The following TUBGCP6 variants were observed in gnomAD, a reference collection of about 807,000 sequenced individuals.
The protein encoded by TUBGCP6 is tubulin gamma complex component 6.
Under a neutral mutation model 175.8 loss-of-function variants are expected in TUBGCP6, and 161 were observed. That is an observed-to-expected ratio of 0.92 (90% CI 0.81 to 1.04). The LOEUF is 1.04. Ranked by LOEUF, TUBGCP6 falls within the 50% of genes least tolerant of loss-of-function variation. TUBGCP6 has a pLI of 0.00. For missense variants in TUBGCP6, 2,572 were observed against 2,433.0 expected, an observed-to-expected ratio of 1.06 and a Z score of -1.20; for synonymous variants, 1,173 against 1,030.5, an observed-to-expected ratio of 1.14 and a Z score of -2.65.
rs371211872 is a variant in TUBGCP6, at chr22:50,221,288, C to T, written c.3071G>A (p.Arg1024Gln). 8 of 1,613,802 alleles carry T rather than the reference C, an allele frequency of 5.0e-6. No individual in the cohort carries two copies. Among genetic ancestry groups the T allele is most frequent in the South Asian group, 3.3e-5 (3 of 91,094 alleles). ...LEEGSSQPTE[R>Q]LFGQVSGGGL... ...ACCCCCTGACACCTGCCCAAAGAGCCGCTCTGTGGGCTGGCTGCTCCCCTC... is the reference window on the plus strand; with the variant it reads ...ACCCCCTGACACCTGCCCAAAGAGCTGCTCTGTGGGCTGGCTGCTCCCCTC... The change falls in exon 16 of 25, where the codon CGG becomes CAG. Residue 1024 changes from arginine to glutamine, a missense_variant. By Grantham distance (43) the Arg-to-Gln change is conservative. Transcript: ENST00000248846.
intron 2 of TUBGCP6, among the ~76,000 whole-genome samples, chr22:50,235,941 G>GGA (rs2064773596): frequency 8.0e-6 from 1 of 124,260 alleles, no homozygotes; most frequent in Non-Finnish European, 1.7e-5. Context: ...CTCCATCTCG[G>GGA]AAAAAAAAAA....
intron 13 of TUBGCP6, 103 bp downstream of exon 13, chr22:50,224,038 G>T: frequency 9.6e-7 from 1 of 1,036,682 alleles, no homozygotes; most frequent in Non-Finnish European, 1.4e-6. Flanking sequence ...ATGTATGTTT[G>T]AAGGTTTTCA....
intron 7 of TUBGCP6, among the ~76,000 whole-genome samples, 173 bp downstream of exon 7, chr22:50,226,560 G>C (rs2064613180): frequency 6.8e-6 from 1 of 146,822 alleles, no homozygotes; most frequent in African/African-American, 2.5e-5. Context: ...GCAGGGTGGG[G>C]GGTGTGGAGT....
chr22:50,221,063 G>A lies in TUBGCP6; in HGVS notation c.3296C>T (p.Pro1099Leu), dbSNP rs1245347108. ...ATGGATGTTCCACCGTGGCCGAGTG[G>A]GAGCCACATCTGACACAGACTCCCC... is the stretch of plus-strand genomic sequence containing the variant. ...SLGESVSDVA[P>L]TRPRWNIHGH... The change falls in exon 16 of 25, where the codon CCC (proline) becomes CTC (leucine). Residue 1099 changes from proline (P) to leucine (L), a missense_variant. Pro to Leu is a moderately conservative substitution (Grantham distance 98). Transcript: ENST00000248846. 1 of 1,612,792 alleles carries A rather than the reference G, an allele frequency of 6.2e-7. No homozygotes were observed.
chr22:50,234,410 C>G (rs1457355074), intron 2 of TUBGCP6, among the ~76,000 whole-genome samples: 1 of 150,622 alleles, frequency 6.6e-6, no homozygotes, highest in Non-Finnish European at 1.5e-5. Context: ...CTGTCCACAG[C>G]AGCATCCACA....
chr22:50,229,606 A>G lies in TUBGCP6; in HGVS notation c.1117-29T>C. 1.9e-6 allele frequency: 3 copies of G among 1,559,272 alleles called. 1 individual carries two copies. The South Asian group carries it at 3.5e-5, about 18-fold the overall frequency. On this transcript the variant is annotated intron_variant, in intron 3 of 24. Transcript: ENST00000248846. Reference sequence around the variant, plus strand: ...CACAGGGGCAGAGGACACTGGTCACAGAGGCCAGGCACCCAGACCCCCAGT... The same window carrying G: ...CACAGGGGCAGAGGACACTGGTCACGGAGGCCAGGCACCCAGACCCCCAGT...
chr22:50,242,863 AC>A (rs1371943526), intron 1 of TUBGCP6, among the ~76,000 whole-genome samples: 1 of 152,174 alleles, frequency 6.6e-6, no homozygotes, highest in East Asian at 1.9e-4. Context: ...TTAACGATAT[AC>A]CCCATTAGGT....
chr22:50,219,858 A>T (rs576428992), intron 17 of TUBGCP6, 67 bp from the exon 18 acceptor site: 34 of 1,603,632 alleles, frequency 2.1e-5, no homozygotes, highest in Non-Finnish European at 2.8e-5. Flanking sequence ...GCTTGTGCCA[A>T]AAAAAGGAAA....
intron 1 of TUBGCP6, among the ~76,000 whole-genome samples, chr22:50,240,931 G>A (rs898085649): frequency 1.3e-5 from 2 of 152,266 alleles, no homozygotes; most frequent in Non-Finnish European, 2.9e-5. Flanking sequence ...GGAGGTTGCA[G>A]TGAGCCGAGA....
intron 3 of TUBGCP6, among the ~76,000 whole-genome samples, chr22:50,231,650 G>C (rs747889504): frequency 6.6e-6 from 1 of 151,648 alleles, no homozygotes; most frequent in South Asian, 2.1e-4. Context: ...ACAATGTCAG[G>C]AGATCAAGAC....
chr22:50,224,193 C>T lies in TUBGCP6; in HGVS notation c.2218G>A (p.Asp740Asn). Residue 740 changes from aspartate to asparagine, a missense_variant, in exon 13 of 25, where the codon GAC (aspartate) becomes AAC (asparagine). Physicochemically the swap from Asp to Asn is conservative, Grantham distance 23 (BLOSUM62 1). Coordinates refer to ENST00000248846, the MANE Select transcript of TUBGCP6 (RefSeq NM_020461.4). ...AGGGACTTCAGCCTTCTCTCCCTGT[C>T]TCGGAGTTCACGGGCGTAGCTGAAG... ...DDFSYARELR[D>N]RERRLKSLEE... 1 of 1,614,156 alleles carries T rather than the reference C, an allele frequency of 6.2e-7. No individual in the cohort carries two copies. Among genetic ancestry groups the T allele is most frequent in the Admixed American group, 1.7e-5 (1 of 60,030 alleles).
At chr22:50,242,498 A>G (rs192580798) in intron 1 of TUBGCP6, among the ~76,000 whole-genome samples, 3 of 149,304 alleles carry the variant, frequency 2.0e-5, no homozygotes, top group Non-Finnish European at 3.0e-5. Context: ...CTTGTCTCAA[A>G]AACAAAAAAC....
At chr22:50,226,467 CTG>C in intron 7 of TUBGCP6, 89 bp from the exon 8 acceptor site, 1 of 1,290,192 alleles carries the variant, frequency 7.8e-7, no homozygotes, top group Non-Finnish European at 1.1e-6. Context: ...AGGGGCGTGG[CTG>C]TCAGTGAGGG....
chr22:50,219,286 A>G lies in TUBGCP6; in HGVS notation c.4484+2T>C. 6.2e-7 allele frequency: 1 copy of G among 1,604,264 alleles called. No individual in the cohort carries two copies. The highest frequency in any genetic ancestry group is 8.5e-7 in the Non-Finnish European group (1 of 1,176,720). ...GACTGGCGCAGGGGCAGGGGCACTCACTGGGCGGCCAGCGGTGCCGTGATG... is the reference window on the plus strand; with the variant it reads ...GACTGGCGCAGGGGCAGGGGCACTCGCTGGGCGGCCAGCGGTGCCGTGATG... On this transcript the variant is annotated splice_donor_variant, in intron 19 of 24. Coordinates refer to ENST00000248846, the MANE Select transcript of TUBGCP6 (RefSeq NM_020461.4). LOFTEE classifies it high-confidence loss of function.
chr22:50,228,524 T>C (rs969766906), intron 4 of TUBGCP6, among the ~76,000 whole-genome samples: 3 of 152,090 alleles, frequency 2.0e-5, no homozygotes, highest in African/African-American at 4.8e-5. Context: ...CAGGTCACAC[T>C]AAGACAGGGG....
intron 2 of TUBGCP6, among the ~76,000 whole-genome samples, chr22:50,239,063 G>T (rs756538281): frequency 1.2e-4 from 18 of 152,206 alleles, no homozygotes; most frequent in Non-Finnish European, 2.6e-4. Flanking sequence ...CTCCCAGCCA[G>T]CCCTGACCCT....
rs757953659 is a variant in TUBGCP6, at chr22:50,224,369, A to C, written c.2117T>G (p.Phe706Cys). 1.9e-6 allele frequency: 3 copies of C among 1,614,182 alleles called. No individual in the cohort carries two copies. Among genetic ancestry groups the C allele is most frequent in the Admixed American group, 3.3e-5 (2 of 60,028 alleles). The change falls in exon 12 of 25, where the codon TTT becomes TGT. Residue 706 changes from phenylalanine (F) to cysteine (C), a missense_variant. Transcript: ENST00000248846. The part of the protein sequence containing the change: ...MALDARKREQ[F>C]QRLKEQFVKD... ...CACAAATTGTTCTTTCAGCCTCTGAAACTGCTCACGCTTCCGGGCATCCAA... is the reference window on the plus strand; with the variant it reads ...CACAAATTGTTCTTTCAGCCTCTGACACTGCTCACGCTTCCGGGCATCCAA...
intron 3 of TUBGCP6, among the ~76,000 whole-genome samples, chr22:50,230,096 G>A (rs1320693494): frequency 6.6e-6 from 1 of 151,674 alleles, no homozygotes; most frequent in Admixed American, 6.6e-5. Flanking sequence ...CGTTAGAAAG[G>A]AAAAAAAATA....
intron 2 of TUBGCP6, among the ~76,000 whole-genome samples, chr22:50,238,506 G>A (rs1359341291): frequency 6.7e-6 from 1 of 148,532 alleles, no homozygotes; most frequent in South Asian, 2.1e-4. Flanking sequence ...GACATGTACA[G>A]AATAAAGCAA....
Sources: gnomAD v4.1 joint callset for allele counts (sites outside exome capture counted in the v4.1 genomes callset) on GRCh38, gnomAD v4.1.1 for gene constraint, MANE v1.5 for transcripts, NCBI Gene and HGNC (gene_info 2026-07-23, HGNC 2026-07-21) for gene names.